The following CSMD1 variants were observed in gnomAD, a reference collection of about 807,000 sequenced individuals.
CSMD1 encodes CUB and Sushi multiple domains 1.
Under a neutral mutation model 417.5 loss-of-function variants are expected in CSMD1, and 213 were observed. That is an observed-to-expected ratio of 0.51 (90% confidence interval 0.46 to 0.57). The LOEUF (loss-of-function observed/expected upper bound fraction) is 0.57, where lower values mean the gene tolerates loss of function less well. Ranked by LOEUF, CSMD1 falls within the 20% of genes least tolerant of loss-of-function variation. The pLI is 0.00. For missense variants in CSMD1, 6,923 were observed against 4,529.7 expected, an observed-to-expected ratio of 1.53 and a Z score of -15.17; for synonymous variants, 2,862 against 1,736.8, an observed-to-expected ratio of 1.65 and a Z score of -16.11.
intron 12 of CSMD1, among the ~76,000 whole-genome samples, chr8:3,409,850 G>A (rs999379915): frequency 6.6e-6 from 1 of 152,228 alleles, no homozygotes; most frequent in Non-Finnish European, 1.5e-5. Context: ...TGGCTACACA[G>A]ATACGCTGAC....
intron 26 of CSMD1, among the ~76,000 whole-genome samples, chr8:3,250,151 A>G (rs766664293): frequency 5.3e-5 from 8 of 152,268 alleles, no homozygotes; most frequent in East Asian, 1.9e-4. Context: ...TTGGTGTGGT[A>G]CACCCATTAA....
chr8:3,291,503 A>C (rs1411191522), intron 25 of CSMD1, among the ~76,000 whole-genome samples: 7 of 151,956 alleles, frequency 4.6e-5, no homozygotes, highest in African/African-American at 1.7e-4. Context: ...TCAATTTCAG[A>C]CCCTGTTATT....
chr8:3,080,365 C>G (rs539400730), intron 49 of CSMD1, among the ~76,000 whole-genome samples: 5 of 152,316 alleles, frequency 3.3e-5, no homozygotes, highest in South Asian at 2.1e-4. Context: ...AGCCTGAGGA[C>G]AGAAGATCTG....
chr8:3,154,832 A>T (rs553222193), intron 39 of CSMD1, among the ~76,000 whole-genome samples: 5 of 152,306 alleles, frequency 3.3e-5, no homozygotes, highest in Non-Finnish European at 5.9e-5. Flanking sequence ...AAATTAGGTC[A>T]TGGGATTTCC....
intron 5 of CSMD1, among the ~76,000 whole-genome samples, chr8:3,819,051 T>G (rs1801563340): frequency 6.6e-6 from 1 of 152,192 alleles, no homozygotes; most frequent in Non-Finnish European, 1.5e-5. Context: ...CATTTCCTGT[T>G]TGTAGGAAAA....
At chr8:4,441,831 G>A (rs1053787064) in intron 2 of CSMD1, among the ~76,000 whole-genome samples, 1 of 152,138 alleles carries the variant, frequency 6.6e-6, no homozygotes, top group South Asian at 2.1e-4. Context: ...TGAAGTTTGA[G>A]TAATAAAAGC....
intron 10 of CSMD1, among the ~76,000 whole-genome samples, chr8:3,542,512 A>G (rs767496588): frequency 6.6e-6 from 1 of 152,206 alleles, no homozygotes; most frequent in East Asian, 1.9e-4. Context: ...CAGTGACTAC[A>G]TCCTGTGTCA....
chr8:3,300,906 C>T (rs1390753035), intron 25 of CSMD1, among the ~76,000 whole-genome samples: 3 of 135,260 alleles, frequency 2.2e-5, no homozygotes, highest in Non-Finnish European at 4.6e-5. Context: ...TTGCAGTGAG[C>T]CAGGATTGCG....
intron 3 of CSMD1, among the ~76,000 whole-genome samples, chr8:4,414,551 C>G (rs768224934): frequency 4.6e-5 from 7 of 152,088 alleles, no homozygotes; most frequent in Non-Finnish European, 8.8e-5. Flanking sequence ...AAACTACGAT[C>G]CATACTATAG....
intron 3 of CSMD1, among the ~76,000 whole-genome samples, chr8:4,120,904 T>C (rs1285471081): frequency 6.6e-6 from 1 of 152,200 alleles, no homozygotes; most frequent in Non-Finnish European, 1.5e-5. Context: ...TGGAATTTAT[T>C]TAGGAATTCT....
chr8:4,044,530 G>C (rs994272621), intron 3 of CSMD1, among the ~76,000 whole-genome samples: 2 of 152,174 alleles, frequency 1.3e-5, no homozygotes, highest in African/African-American at 4.8e-5. Flanking sequence ...GGAGGAGCAG[G>C]ACACTTCATT....
At chr8:3,549,475 T>G (rs1798818188) in intron 10 of CSMD1, among the ~76,000 whole-genome samples, 1 of 152,186 alleles carries the variant, frequency 6.6e-6, no homozygotes, top group Non-Finnish European at 1.5e-5. Flanking sequence ...GTCGCAGCAG[T>G]GAGAGATGGG....
At chr8:3,839,738 G>C (rs1008775189) in intron 5 of CSMD1, among the ~76,000 whole-genome samples, 1 of 150,598 alleles carries the variant, frequency 6.6e-6, no homozygotes, top group African/African-American at 2.4e-5. Context: ...TTCGCTTGCT[G>C]TTAAACCCAT....
At chr8:3,292,527 T>C (rs1029028688) in intron 25 of CSMD1, among the ~76,000 whole-genome samples, 5 of 152,200 alleles carry the variant, frequency 3.3e-5, no homozygotes, top group African/African-American at 9.6e-5. Flanking sequence ...TGGGTACATA[T>C]ATATTTAGGA....
intron 12 of CSMD1, among the ~76,000 whole-genome samples, chr8:3,435,700 G>A (rs1814515188): frequency 6.6e-6 from 1 of 151,730 alleles, no homozygotes; most frequent in Non-Finnish European, 1.5e-5. Context: ...CCTTCACCCA[G>A]ACCTCCTTCC....
chr8:3,533,298 T>C (rs1031969796), intron 10 of CSMD1, among the ~76,000 whole-genome samples: 1 of 152,200 alleles, frequency 6.6e-6, no homozygotes, highest in African/African-American at 2.4e-5. Context: ...CCCAATATAA[T>C]ATAATTAACT....
intron 1 of CSMD1, among the ~76,000 whole-genome samples, chr8:4,644,195 T>A (rs1383079028): frequency 1.3e-5 from 2 of 151,256 alleles, no homozygotes; most frequent in African/African-American, 4.9e-5. Context: ...AAAAGGGAGG[T>A]TTTCACTGGT....
intron 3 of CSMD1, among the ~76,000 whole-genome samples, chr8:4,108,403 T>G (rs4242493): frequency 6.6e-6 from 1 of 151,956 alleles, no homozygotes; most frequent in Non-Finnish European, 1.5e-5. Flanking sequence ...ACCATGTTCA[T>G]AGCATACGAC....
chr8:4,232,401 G>T (rs536024784), intron 3 of CSMD1, among the ~76,000 whole-genome samples: 1 of 152,070 alleles, frequency 6.6e-6, no homozygotes, highest in Non-Finnish European at 1.5e-5. Context: ...GTTTCCCCAC[G>T]TTGGCCAGCT....
Sources: gnomAD v4.1 joint callset for allele counts (sites outside exome capture counted in the v4.1 genomes callset) on GRCh38, gnomAD v4.1.1 for gene constraint, MANE v1.5 for transcripts, NCBI Gene and HGNC (gene_info 2026-07-23, HGNC 2026-07-21) for gene names.